The following TGFB3 variants were observed in gnomAD, a reference collection of about 807,000 sequenced individuals.
TGFB3 encodes the protein transforming growth factor beta-3 proprotein.
A neutral mutation model predicts 40.1 loss-of-function variants in TGFB3; 5 were observed. The observed-to-expected ratio is 0.12, with a 90% CI of 0.07 to 0.26. TGFB3 has a LOEUF of 0.26. TGFB3 is among the 10% of genes least tolerant of loss of function. The pLI is 1.00. For synonymous variants in TGFB3, 184 were observed against 205.6 expected (o/e 0.89, Z 0.90); for missense variants, 373 against 530.1 (o/e 0.70, Z 2.91).
chr14:75,975,930 C>G (rs2035348875), intron 1 of TGFB3, among the ~76,000 whole-genome samples: 1 of 152,158 alleles, frequency 6.6e-6, no homozygotes, highest in East Asian at 1.9e-4. Flanking sequence ...CTAGGGGGTC[C>G]CACCTTTACA....
At chr14:75,964,773 C>A in intron 4 of TGFB3, among the ~76,000 whole-genome samples, 1 of 152,146 alleles carries the variant, frequency 6.6e-6, no homozygotes, top group Admixed American at 6.6e-5. Flanking sequence ...GTCCTCTGGG[C>A]TCTAAGGTTC....
chr14:75,967,260 T>G (rs989887371), intron 3 of TGFB3, among the ~76,000 whole-genome samples: 5 of 152,196 alleles, frequency 3.3e-5, no homozygotes, highest in African/African-American at 1.2e-4. Context: ...TGCTCTACCC[T>G]AAGTCAGGGC....
intron 5 of TGFB3, among the ~76,000 whole-genome samples, chr14:75,962,763 C>T (rs2035172636): frequency 6.6e-6 from 1 of 152,202 alleles, no homozygotes; most frequent in Non-Finnish European, 1.5e-5. Context: ...AGCAGTGAAA[C>T]TGCTCCTGAG....
chr14:75,969,035 T>C (rs556581147), intron 3 of TGFB3, among the ~76,000 whole-genome samples: 27 of 152,246 alleles, frequency 1.8e-4, no homozygotes, highest in African/African-American at 3.9e-4. Context: ...CTCTGACGGA[T>C]GGTTATCAGG....
At position 75,980,192 on chromosome 14, in the gene TGFB3, A is replaced by T. The variant is rs541388239; in HGVS notation, c.352+350T>A. Among the ~76,000 whole-genome samples, 1 of 152,340 alleles carries T rather than the reference A, an allele frequency of 6.6e-6. No homozygotes were observed. The highest frequency in any genetic ancestry group is 1.5e-5 in the Non-Finnish European group (1 of 68,032). On this transcript the variant is annotated intron_variant, in intron 1 of 6. Transcript: ENST00000238682. This position sits in a 1 kb window ranked among gnomAD's most constrained non-coding sequence, Gnocchi z 4.3. ...CGGCCTTCCCCTTTATGGCACCCAG[A>T]TGCTTACAGTTACTGATACGATCGC...
intron 5 of TGFB3, among the ~76,000 whole-genome samples, chr14:75,962,060 A>G (rs2035163991): frequency 6.6e-6 from 1 of 152,182 alleles, no homozygotes; most frequent in Non-Finnish European, 1.5e-5. Context: ...AGGTGCCTGA[A>G]GCCCTAGCAA....
intron 3 of TGFB3, chr14:75,966,101 A>G: frequency 6.1e-6 from 2 of 327,250 alleles, no homozygotes; most frequent in South Asian, 2.6e-5. Context: ...CGTTGAGCCA[A>G]TCTACTGCAG....
At chr14:75,969,840 C>T (rs2035267342) in intron 3 of TGFB3, among the ~76,000 whole-genome samples, 2 of 152,154 alleles carry the variant, frequency 1.3e-5, no homozygotes, top group Admixed American at 1.3e-4. Flanking sequence ...CATCCCATAC[C>T]TAATCAGCCT....
intron 6 of TGFB3, among the ~76,000 whole-genome samples, chr14:75,960,571 G>A (rs2035143595): frequency 6.6e-6 from 1 of 152,222 alleles, no homozygotes; most frequent in South Asian, 2.1e-4. Context: ...CGAGAGGCTG[G>A]AATGATCAGA....
chr14:75,970,403 C>G (rs912734397), intron 3 of TGFB3, among the ~76,000 whole-genome samples: 2 of 151,614 alleles, frequency 1.3e-5, no homozygotes, highest in African/African-American at 4.8e-5. Context: ...ACTAAAAATA[C>G]AAAAAAATTA....
chr14:75,963,370 G>C lies in TGFB3; in HGVS notation c.872C>G (p.Pro291Arg). 2 of 1,614,184 alleles carry C rather than the reference G, an allele frequency of 1.2e-6. No individual in the cohort carries two copies. The highest frequency in any genetic ancestry group is 1.7e-5 in the Admixed American group (1 of 60,024). Residue 291 changes from proline (P) to arginine (R), a missense_variant, in exon 5 of 7, where the codon CCG becomes CGG. Physicochemically the swap from Pro to Arg is moderately radical, Grantham distance 103. Transcript: ENST00000238682. Reference sequence around the variant, plus strand: ...CTTCTTCCTCTGACCCCCCTGGCCCGGGTTGTCGAGCCGGTGTGGGGGAAT... The same window carrying C: ...CTTCTTCCTCTGACCCCCCTGGCCCCGGTTGTCGAGCCGGTGTGGGGGAAT... ...MMIPPHRLDN[P>R]GQGGQRKKRA...
At position 75,963,471 on chromosome 14, in the gene TGFB3, A is replaced by G; in HGVS notation, c.771T>C (p.Asp257=). The stretch of plus-strand genomic sequence containing the variant: ...GCCCCAGATCTCCACGGCCATGGTC[A>G]TCCTCATTGTCCACGCCTGAAGAAG... ...EIKFKGVDNE[D]DHGRGDLGRL... The change falls in exon 5 of 7, where the codon GAT becomes GAC. Residue 257 remains aspartate, a synonymous_variant. Coordinates refer to ENST00000238682, the MANE Select transcript of TGFB3 (RefSeq NM_003239.5). The G allele has an allele frequency of 6.2e-7, 1 of 1,614,176 alleles. No individual in the cohort carries two copies. The highest frequency in any genetic ancestry group is 8.5e-7 in the Non-Finnish European group (1 of 1,180,026).
At chr14:75,966,244 A>C (rs113264973) in intron 3 of TGFB3, 215 of 176,194 alleles carry the variant, frequency 1.2e-3, no homozygotes, top group African/African-American at 4.7e-3. Context: ...GCTGGCAAAA[A>C]GATTCAAGTC....
chr14:75,982,919 G>A (rs1431306286), upstream of TGFB3: 2 of 152,470 alleles, frequency 1.3e-5, no homozygotes, highest in Admixed American at 6.5e-5. This position sits in a 1 kb window ranked among gnomAD's most constrained non-coding sequence, Gnocchi z 4.0. Context: ...CAGTTGGCCC[G>A]AGCCCATTTC....
chr14:75,967,360 G>A (rs1328468986), intron 3 of TGFB3, among the ~76,000 whole-genome samples: 2 of 152,230 alleles, frequency 1.3e-5, no homozygotes, highest in Admixed American at 1.3e-4. Flanking sequence ...ATAAAACAAG[G>A]CAGCTGAGAC....
chr14:75,970,187 G>T (rs1436347765), intron 3 of TGFB3, among the ~76,000 whole-genome samples: 2 of 152,114 alleles, frequency 1.3e-5, no homozygotes, highest in Non-Finnish European at 2.9e-5. Flanking sequence ...AGTATCCCCA[G>T]CTCTGGTTAT....
chr14:75,975,742 C>G (rs2035346284), intron 1 of TGFB3, among the ~76,000 whole-genome samples: 1 of 152,176 alleles, frequency 6.6e-6, no homozygotes, highest in African/African-American at 2.4e-5. Flanking sequence ...AGAGACTCTT[C>G]AAGCTGGGAG....
chr14:75,960,974 G>T lies in TGFB3; in HGVS notation c.1029C>A (p.Phe343Leu). ...GGAGGTATGGGCAAGGGCCTGAGCAGAAGTTGGCATAGTAGCCCTTAGGTT... is the reference window on the plus strand; with the variant it reads ...GGAGGTATGGGCAAGGGCCTGAGCATAAGTTGGCATAGTAGCCCTTAGGTT... ...VHEPKGYYAN[F>L]CSGPCPYLRS... The change falls in exon 6 of 7, where the codon TTC becomes TTA. Residue 343 changes from phenylalanine (F) to leucine (L), a missense_variant. By Grantham distance (22) the Phe-to-Leu change is conservative (BLOSUM62 0). Transcript: ENST00000238682. 6.2e-7 allele frequency: 1 copy of T among 1,614,270 alleles called. No individual in the cohort carries two copies. Among genetic ancestry groups the T allele is most frequent in the Non-Finnish European group, 8.5e-7 (1 of 1,180,050 alleles).
rs1566685602 is a variant in TGFB3, at chr14:75,978,305, GC to G, written c.352+2236del. On this transcript the variant is annotated intron_variant, in intron 1 of 6. Transcript: ENST00000238682. The surrounding 1 kb of genome is among the most constrained non-coding windows in gnomAD (Gnocchi z 5.0). Reference sequence around the variant, plus strand: ...AAGACAGGCTTCCTTCCCCCACCCCGCCCCGCCGCCTTGCAAGCCCCTGATG... The same window carrying G: ...AAGACAGGCTTCCTTCCCCCACCCCGCCCGCCGCCTTGCAAGCCCCTGATG... 1.3e-5 allele frequency among the ~76,000 whole-genome samples: 2 copies of G among 148,938 alleles called. No homozygotes were observed. The highest frequency in any genetic ancestry group is 4.9e-5 in the African/African-American group (2 of 40,852).
Sources: allele counts gnomAD v4.1 joint callset (sites outside exome capture counted in the v4.1 genomes callset), GRCh38; gene constraint gnomAD v4.1.1; non-coding constraint Gnocchi (gnomAD v3.1); transcripts MANE v1.5; gene names NCBI Gene and HGNC (gene_info 2026-07-23, HGNC 2026-07-21).